Variants in CCDC80 observed in about 807,000 individuals in gnomAD.
CCDC80 encodes the protein coiled-coil domain-containing protein 80.
In CCDC80, 49 loss-of-function variants were observed where a neutral mutation model predicts 78.7. That is an observed-to-expected ratio of 0.62 (90% CI 0.50 to 0.79). CCDC80 has a LOEUF of 0.79. Among genes scored for constraint, CCDC80 ranks in the 30% least tolerant of loss-of-function variants. The probability of loss-of-function intolerance (pLI) is 0.00; values close to 1 mark genes in which losing one functional copy is unlikely to be tolerated. For missense variants in CCDC80, 1,205 were observed against 1,198.6 expected, an observed-to-expected ratio of 1.01 and a Z score of -0.08; for synonymous variants, 488 against 447.0, an observed-to-expected ratio of 1.09 and a Z score of -1.16.
At position 112,605,420 on chromosome 3, in the gene CCDC80, G is replaced by A. The variant is rs1197582591; in HGVS notation, c.2850C>T (p.Tyr950=). The change falls in exon 8 of 8, where the codon TAC becomes TAT. Residue 950 remains tyrosine (Y), a synonymous_variant. Transcript: ENST00000206423. ...HHESYHHGYP[Y] ...GTCTAAGGTTACATATTTCTGCTCA[G>A]TAAGGGTATCCATGGTGATAACTCT... The A allele has an allele frequency of 4.4e-6, 7 of 1,609,162 alleles. No homozygotes were observed. The highest frequency in any genetic ancestry group is 6.0e-6 in the Non-Finnish European group (7 of 1,176,412).
At position 112,602,860 on chromosome 3, in the gene CCDC80, A is replaced by T. The variant is rs1297512616; in HGVS notation, c.*2557T>A. On this transcript the variant is annotated 3_prime_UTR_variant, in exon 8 of 8. Transcript: ENST00000206423. ...TCCAGAAGATCTAGTTAAGATAATTAATGAAAGTGGCTACACTAAACAATA... is the reference window on the plus strand; with the variant it reads ...TCCAGAAGATCTAGTTAAGATAATTTATGAAAGTGGCTACACTAAACAATA... The T allele has an allele frequency of 6.7e-6, 1 of 149,460 alleles. No individual in the cohort carries two copies. Among genetic ancestry groups the T allele is most frequent in the African/African-American group, 2.4e-5 (1 of 41,284 alleles). 9.3% of individuals were successfully genotyped at this position (149,460 alleles called of 1,614,324 possible). A position where few individuals can be genotyped will look rare whatever the true frequency, so the allele number is the denominator to read the frequency against.
rs72942080 is a variant in CCDC80 at position 112,611,781 on chromosome 3, G to A, written c.2322-1700C>T. ...TGGTGTTTTGCTTTTTGCCTTCAGT[G>A]CAGGTGACCGCAGGGTGTTGGTGCA... On this transcript the variant is annotated intron_variant, in intron 5 of 7. Coordinates refer to ENST00000206423, the MANE Select transcript of CCDC80 (RefSeq NM_199511.3). Among the ~76,000 whole-genome samples, 1,297 of 152,310 alleles carry A rather than the reference G, an allele frequency of 8.5e-3. 14 individuals carry two copies. Among genetic ancestry groups the A allele is most frequent in the African/African-American group, 0.03 (1,235 of 41,568 alleles).
At chr3:112,606,517 C>T (rs1326319169) in intron 7 of CCDC80, among the ~76,000 whole-genome samples, 1 of 150,506 alleles carries the variant, frequency 6.6e-6, no homozygotes, top group African/African-American at 2.4e-5. Context: ...TCTCCACCTC[C>T]GAGGTTCAAG....
rs545183849 is a variant in CCDC80 at position 112,633,922 on chromosome 3, T to G, written c.1879-3653A>C. Among the ~76,000 whole-genome samples, 49 of 152,328 alleles carry G rather than the reference T, an allele frequency of 3.2e-4. 1 individual carries two copies. The South Asian group carries it at 0.01, about 32-fold the overall frequency. ...GTCACTTGGCCTCTTTCCAGTTTGA[T>G]GGCAATAAATCAGGGCATGTATCAT... On this transcript the variant is annotated intron_variant, in intron 2 of 7. Transcript: ENST00000206423.
At chr3:112,617,614 A>G (rs1462425806) in intron 4 of CCDC80, among the ~76,000 whole-genome samples, 1 of 152,232 alleles carries the variant, frequency 6.6e-6, no homozygotes, top group African/African-American at 2.4e-5. Flanking sequence ...ATGAGACAAC[A>G]TGTGTGCAGA....
chr3:112,637,145 A>G (rs931953165), intron 2 of CCDC80, among the ~76,000 whole-genome samples: 5 of 152,212 alleles, frequency 3.3e-5, no homozygotes, highest in Admixed American at 2.6e-4. Context: ...GGCACAAAGA[A>G]CTGCAGACCA....
At chr3:112,620,132 A>G (rs901591559) in intron 3 of CCDC80, among the ~76,000 whole-genome samples, 2 of 152,224 alleles carry the variant, frequency 1.3e-5, no homozygotes, top group African/African-American at 4.8e-5. Context: ...AATTTTGCAA[A>G]TAAGATGTTA....
chr3:112,621,508 A>C (rs112735885), intron 3 of CCDC80, among the ~76,000 whole-genome samples: 3 of 152,272 alleles, frequency 2.0e-5, no homozygotes, highest in South Asian at 2.1e-4. Context: ...GAACCCTAGA[A>C]ACTTGTCACT....
At chr3:112,625,111 C>CT (rs1310883554) in intron 3 of CCDC80, among the ~76,000 whole-genome samples, 1 of 152,030 alleles carries the variant, frequency 6.6e-6, no homozygotes. Flanking sequence ...GCAAAGAACA[C>CT]TAAAAAGGAA....
Position 112,620,693 on chromosome 3 carries a change from G to A in CCDC80, c.2036-1589C>T, listed in dbSNP as rs79892780. Among the ~76,000 whole-genome samples, 284 of 152,032 alleles carry A rather than the reference G, an allele frequency of 1.9e-3. 9 individuals are homozygous for A. In the East Asian group the frequency reaches 0.043, roughly 23 times the overall value. Reference sequence around the variant, plus strand: ...CCTATGTTATTCAAATTTTAACAAGGAACATATTTTACTTTGTGAATAGTA... The same window carrying A: ...CCTATGTTATTCAAATTTTAACAAGAAACATATTTTACTTTGTGAATAGTA... On this transcript the variant is annotated intron_variant, in intron 3 of 7. Coordinates refer to ENST00000206423, the MANE Select transcript of CCDC80 (RefSeq NM_199511.3).
intron 3 of CCDC80, among the ~76,000 whole-genome samples, chr3:112,629,030 A>C (rs1936038615): frequency 6.6e-6 from 1 of 152,194 alleles, no homozygotes; most frequent in Non-Finnish European, 1.5e-5. Context: ...AGAAGGCTAG[A>C]CCATATTCAA....
rs565610574 is a variant in CCDC80, at chr3:112,639,328, G to A, written c.578C>T (p.Ala193Val). The A allele has an allele frequency of 6.2e-7, 1 of 1,614,110 alleles. No individual in the cohort carries two copies. Among genetic ancestry groups the A allele is most frequent in the Admixed American group, 1.7e-5 (1 of 60,022 alleles). Residue 193 changes from alanine (A) to valine (V), a missense_variant, in exon 2 of 8, where the codon GCA becomes GTA. By Grantham distance (64) the Ala-to-Val change is moderately conservative. Coordinates refer to ENST00000206423, the MANE Select transcript of CCDC80 (RefSeq NM_199511.3). ...HIQQIVLFHQ[A>V]GEEGGKVRRI... ...TCTCACCTTGCCTCCTTCCTCACCT[G>A]CCTGGTGGAAGAGCACAATCTGTTG...
At chr3:112,633,654 T>A (rs997616344) in intron 2 of CCDC80, among the ~76,000 whole-genome samples, 30 of 152,274 alleles carry the variant, frequency 2.0e-4, no homozygotes, top group Middle Eastern at 3.4e-3. Context: ...AGGCTACGAC[T>A]TTACCAGTTG....
At chr3:112,609,775 T>C (rs370805316) in intron 6 of CCDC80, among the ~76,000 whole-genome samples, 1 of 149,216 alleles carries the variant, frequency 6.7e-6, no homozygotes, top group Admixed American at 6.7e-5. Flanking sequence ...GGAGAGAATA[T>C]TGAGGGAAAA....
At chr3:112,608,148 GAA>G (rs965284171) in intron 6 of CCDC80, among the ~76,000 whole-genome samples, 4 of 152,194 alleles carry the variant, frequency 2.6e-5, no homozygotes, top group Non-Finnish European at 5.9e-5. Flanking sequence ...TCCAGAGAAA[GAA>G]AATAGGAGGA....
chr3:112,605,763 C>G lies in CCDC80; in HGVS notation c.2507G>C (p.Gly836Ala), dbSNP rs1935474400. The stretch of plus-strand genomic sequence containing the variant: ...GTCTTCTCGCTCAACAACAGAGCTC[C>G]CTAGAATAACATTGGAATAGTTATT... ...GGVLELFPIN[G>A]SSVVEREDVP... Residue 836 changes from glycine (G) to alanine (A), a missense_variant and splice_region_variant, in exon 8 of 8, where the codon GGG (glycine) becomes GCG (alanine). By Grantham distance (60) the Gly-to-Ala change is moderately conservative. Transcript: ENST00000206423. The G allele has an allele frequency of 1.9e-6, 3 of 1,609,940 alleles. No individual in the cohort carries two copies. The highest frequency in any genetic ancestry group is 2.5e-6 in the Non-Finnish European group (3 of 1,177,100).
At chr3:112,612,480 C>T (rs1042276028) in intron 5 of CCDC80, among the ~76,000 whole-genome samples, 3 of 152,160 alleles carry the variant, frequency 2.0e-5, no homozygotes, top group Non-Finnish European at 2.9e-5. Context: ...TCCCACAGAC[C>T]TTCACATTAA....
In CCDC80 at chr3:112,600,803, T is replaced by C. The variant is rs1935360562; in HGVS notation, c.*4614A>G. The C allele has an allele frequency of 6.6e-6, 1 of 152,172 alleles. No individual in the cohort carries two copies. The highest frequency in any genetic ancestry group is 1.5e-5 in the Non-Finnish European group (1 of 68,052). The allele number at this position is 152,172 out of a possible 1,614,324, so 9.4% of individuals were successfully genotyped here. On this transcript the variant is annotated 3_prime_UTR_variant, in exon 8 of 8. Coordinates refer to ENST00000206423, the MANE Select transcript of CCDC80 (RefSeq NM_199511.3). ...ACAGGTGTGAGCCCCTCACTGCTCC[T>C]GGCTCCCTCATTATTATATTTCCTG...
At position 112,602,747 on chromosome 3, in the gene CCDC80, T is replaced by G. The variant is rs892862593; in HGVS notation, c.*2670A>C. 1.4e-4 allele frequency: 21 copies of G among 152,372 alleles called. No individual in the cohort carries two copies. The highest frequency in any genetic ancestry group is 3.8e-4 in the African/African-American group (16 of 41,574). The allele number at this position is 152,372 out of a possible 1,614,324, so 9.4% of individuals were successfully genotyped here. A position where few individuals can be genotyped will look rare whatever the true frequency, so the allele number is the denominator to read the frequency against. On this transcript the variant is annotated 3_prime_UTR_variant, in exon 8 of 8. Coordinates refer to ENST00000206423, the MANE Select transcript of CCDC80 (RefSeq NM_199511.3). ...AAAGTTTGAAGGTAGCAGAGTCTGG[T>G]TCATGAGTTTGAAGAAAAGAAGCCT...
Sources: gnomAD v4.1 joint callset for allele counts (sites outside exome capture counted in the v4.1 genomes callset) on GRCh38, gnomAD v4.1.1 for gene constraint, MANE v1.5 for transcripts, NCBI Gene and HGNC (gene_info 2026-07-23, HGNC 2026-07-21) for gene names.